Variants in NHSL2 observed in about 807,000 individuals in gnomAD.
NHSL2 encodes NHS like 2.
In NHSL2, 27 loss-of-function variants were observed where a neutral mutation model predicts 53.4. That is an observed-to-expected ratio of 0.51 (90% confidence interval 0.37 to 0.70). The LOEUF is 0.70. Ranked by LOEUF, NHSL2 falls within the 30% of genes least tolerant of loss-of-function variation. The pLI is 0.00. For missense variants in NHSL2, 892 were observed against 980.1 expected (o/e 0.91, Z 1.20); for synonymous variants, 408 against 404.1 (o/e 1.01, Z -0.12).
At chrX:72,130,730 G>A (rs1462670346) in intron 1 of NHSL2, 1 of 1,211,829 alleles carries the variant, frequency 8.3e-7, no homozygotes, top group East Asian at 3.0e-5. Flanking sequence ...TTTTGGAGGC[G>A]GCAGTCATCC....
chrX:71,911,016 G>A lies in NHSL2; in HGVS notation c.-72G>A. ...GGGGCCGCCGCTCAGGGGCGCTCGG[G>A]CCAGGGGCGCTGCTCGGGGTGAGCC... On this transcript the variant is annotated 5_prime_UTR_variant, in exon 1 of 8. Coordinates refer to ENST00000633930, the MANE Select transcript of NHSL2 (RefSeq NM_001013627.3). 3 of 871,647 alleles carry A rather than the reference G, an allele frequency of 3.4e-6. No homozygotes were observed. Among genetic ancestry groups the A allele is most frequent in the Admixed American group, 6.0e-5 (1 of 16,670 alleles). The allele number at this position is 871,647 out of a possible 1,213,427, so 71.8% of individuals were successfully genotyped here. A position where few individuals can be genotyped will look rare whatever the true frequency, so the allele number is the denominator to read the frequency against.
At chrX:72,137,527 T>A (rs1569483753) in intron 5 of NHSL2, among the ~76,000 whole-genome samples, 1 of 111,810 alleles carries the variant, frequency 8.9e-6, no homozygotes, top group African/African-American at 3.3e-5. Context: ...GAGAGAGGGT[T>A]CCTCACCATC....
intron 1 of NHSL2, among the ~76,000 whole-genome samples, chrX:71,984,897 C>T (rs1376372047): frequency 1.9e-5 from 2 of 105,461 alleles, no homozygotes; most frequent in Non-Finnish European, 3.9e-5. Flanking sequence ...GATCTCGGCT[C>T]ACTGCAAGCT....
chrX:72,024,970 T>C (rs916409657), intron 1 of NHSL2, among the ~76,000 whole-genome samples: 10 of 112,361 alleles, frequency 8.9e-5, no homozygotes, highest in Non-Finnish European at 1.7e-4. Context: ...GCCTATGTTG[T>C]GCAATAGGAC....
chrX:72,084,506 G>T (rs2147429584), intron 1 of NHSL2, among the ~76,000 whole-genome samples: 1 of 112,455 alleles, frequency 8.9e-6, no homozygotes, highest in Non-Finnish European at 1.9e-5. Flanking sequence ...GAGCTGGGTT[G>T]GTCCTTTAGA....
intron 1 of NHSL2, among the ~76,000 whole-genome samples, chrX:72,077,548 A>G (rs1368003685): frequency 8.9e-6 from 1 of 111,775 alleles, no homozygotes; most frequent in Non-Finnish European, 1.9e-5. Flanking sequence ...CCCAGGGACA[A>G]TAGCTTACCA....
intron 7 of NHSL2, 30 bp downstream of exon 7, chrX:72,142,394 C>A: frequency 9.5e-7 from 1 of 1,050,262 alleles, no homozygotes; most frequent in Non-Finnish European, 1.3e-6. Context: ...ATTCTAATTG[C>A]AATTGCCTTC....
chrX:72,089,404 C>A (rs1397746548), intron 1 of NHSL2, among the ~76,000 whole-genome samples: 1 of 111,238 alleles, frequency 9.0e-6, no homozygotes, highest in Non-Finnish European at 1.9e-5. Flanking sequence ...AGAATGAGTC[C>A]CTGGGGTACT....
At chrX:72,104,005 A>T (rs2042017837) in intron 1 of NHSL2, among the ~76,000 whole-genome samples, 1 of 113,066 alleles carries the variant, frequency 8.8e-6, no homozygotes, top group Admixed American at 9.3e-5. Context: ...GAAGTGCTTG[A>T]CCAGGAGTTC....
At chrX:72,111,101 A>C (rs1321897993) in intron 1 of NHSL2, among the ~76,000 whole-genome samples, 1 of 112,765 alleles carries the variant, frequency 8.9e-6, no homozygotes, top group African/African-American at 3.2e-5. Flanking sequence ...TTTTCAGAAT[A>C]GTGGAAAACA....
intron 1 of NHSL2, among the ~76,000 whole-genome samples, chrX:72,000,903 T>C (rs1208714052): frequency 8.9e-6 from 1 of 112,593 alleles, no homozygotes; most frequent in Admixed American, 9.3e-5. Flanking sequence ...ATTCACAGGT[T>C]CCAGAGGTTA....
intron 1 of NHSL2, among the ~76,000 whole-genome samples, chrX:72,120,796 G>A (rs746472722): frequency 3.5e-5 from 4 of 112,748 alleles, no homozygotes; most frequent in African/African-American, 1.3e-4. Flanking sequence ...GCTAACTGAG[G>A]CAGATTCATT....
chrX:72,115,439 G>GGGC (rs1556364954), intron 1 of NHSL2, among the ~76,000 whole-genome samples: 1 of 85,359 alleles, frequency 1.2e-5, no homozygotes, highest in Non-Finnish European at 2.3e-5. Flanking sequence ...GGCGGGGGGG[G>GGGC]GGTGCGGGGG....
intron 1 of NHSL2, among the ~76,000 whole-genome samples, chrX:72,056,521 A>G (rs1352639343): frequency 1.8e-5 from 2 of 110,831 alleles, no homozygotes; most frequent in South Asian, 3.8e-4. Context: ...GCTTCATAAT[A>G]TATGTATTTG....
chrX:72,021,038 TAC>T (rs1037964289), intron 1 of NHSL2, among the ~76,000 whole-genome samples: 1 of 105,820 alleles, frequency 9.5e-6, no homozygotes, highest in Non-Finnish European at 1.9e-5. Context: ...TGAGGGTGTG[TAC>T]ACACACACAC....
intron 1 of NHSL2, among the ~76,000 whole-genome samples, chrX:72,038,956 C>G (rs1456950638): frequency 9.0e-6 from 1 of 111,571 alleles, no homozygotes; most frequent in Non-Finnish European, 1.9e-5. Flanking sequence ...GCCAAGATAC[C>G]AGTTTGTAGA....
At chrX:71,919,009 C>CACACAG (rs892628264) in intron 1 of NHSL2, among the ~76,000 whole-genome samples, 15 of 111,547 alleles carry the variant, frequency 1.3e-4, no homozygotes, top group Non-Finnish European at 2.3e-4. Context: ...ACAGAGCACC[C>CACACAG]ACACAGACAC....
intron 1 of NHSL2, among the ~76,000 whole-genome samples, chrX:72,025,319 G>T (rs1359102068): frequency 8.9e-6 from 1 of 112,608 alleles, no homozygotes; most frequent in Admixed American, 9.3e-5. Context: ...ACTGCCAAAG[G>T]CATGACAAAG....
chrX:72,014,199 A>G (rs914943271), intron 1 of NHSL2, among the ~76,000 whole-genome samples: 8 of 112,105 alleles, frequency 7.1e-5, no homozygotes, highest in African/African-American at 2.6e-4. Flanking sequence ...ATGTCTTGCT[A>G]GAGGTTTGTC....
Sources: gnomAD v4.1 joint callset for allele counts (sites outside exome capture counted in the v4.1 genomes callset) on GRCh38, gnomAD v4.1.1 for gene constraint, MANE v1.5 for transcripts, NCBI Gene and HGNC (gene_info 2026-07-23, HGNC 2026-07-21) for gene names.